DOCK3: variants seen among roughly 807,000 people sequenced by gnomAD.
DOCK3 encodes dedicator of cytokinesis 3.
Under a neutral mutation model 265.6 loss-of-function variants are expected in DOCK3, and 60 were observed. That is an observed-to-expected ratio of 0.23 (90% CI 0.18 to 0.28). The LOEUF (loss-of-function observed/expected upper bound fraction) is 0.28, where lower values mean the gene tolerates loss of function less well. Ranked by LOEUF, DOCK3 falls within the 10% of genes least tolerant of loss-of-function variation. DOCK3 has a pLI of 1.00. For missense variants in DOCK3, 1,981 were observed against 2,594.3 expected, an observed-to-expected ratio of 0.76 and a Z score of 5.14; for synonymous variants, 881 against 938.0, an observed-to-expected ratio of 0.94 and a Z score of 1.11.
intron 5 of DOCK3, among the ~76,000 whole-genome samples, chr3:50,940,638 T>C (rs894401013): frequency 4.6e-5 from 7 of 152,110 alleles, no homozygotes; most frequent in Non-Finnish European, 1.0e-4. Context: ...TTAAACAATT[T>C]TGAAAAGAAT....
intron 9 of DOCK3, among the ~76,000 whole-genome samples, chr3:51,114,960 A>G (rs544173180): frequency 4.6e-5 from 7 of 152,240 alleles, no homozygotes; most frequent in African/African-American, 1.7e-4. Context: ...ATCTTCATTC[A>G]TGTCCCTGCA....
chr3:51,353,756 C>T (rs1412983890), intron 40 of DOCK3, among the ~76,000 whole-genome samples: 1 of 152,222 alleles, frequency 6.6e-6, no homozygotes, highest in Non-Finnish European at 1.5e-5. Flanking sequence ...AACCCTGTCC[C>T]AGGAAGCATA....
chr3:50,795,106 G>A (rs2042698268), intron 2 of DOCK3, among the ~76,000 whole-genome samples: 1 of 151,982 alleles, frequency 6.6e-6, no homozygotes, highest in Admixed American at 6.6e-5. Flanking sequence ...TCCACTGTTA[G>A]TCTGATGGGT....
chr3:51,098,557 G>A (rs1321723456), intron 9 of DOCK3, among the ~76,000 whole-genome samples: 2 of 152,150 alleles, frequency 1.3e-5, no homozygotes. Context: ...TAAAATGATG[G>A]GCGAGCACTT....
intron 1 of DOCK3, among the ~76,000 whole-genome samples, chr3:50,697,243 G>A (rs1387693479): frequency 1.3e-5 from 2 of 152,000 alleles, no homozygotes; most frequent in Non-Finnish European, 2.9e-5. Flanking sequence ...AGCACTGAAT[G>A]CTAGTTTCAG....
rs373372574 is a variant in DOCK3, at chr3:51,211,308, C to G, written c.1126+2446C>G. Among the ~76,000 whole-genome samples the G allele has an allele frequency of 9.9e-5, 15 of 152,136 alleles. No homozygotes were observed. In the East Asian group the frequency reaches 1.2e-3, roughly 12 times the overall value. ...AAATGGTTTTCTTGTGTCAGGTAAT[C>G]AGTGAGACCAGATTAACAGAGAAAT... On this transcript the variant is annotated intron_variant, in intron 13 of 52. Transcript: ENST00000266037.
At chr3:50,710,339 A>T (rs1326832945) in intron 1 of DOCK3, among the ~76,000 whole-genome samples, 2 of 152,198 alleles carry the variant, frequency 1.3e-5, no homozygotes, top group African/African-American at 4.8e-5. Flanking sequence ...TAATCCCATC[A>T]AAAAGTGGGT....
intron 32 of DOCK3, among the ~76,000 whole-genome samples, chr3:51,316,594 T>C (rs374626632): frequency 3.3e-4 from 50 of 152,376 alleles, no homozygotes; most frequent in South Asian, 1.0e-3. Flanking sequence ...CAGTATATAA[T>C]CGATTGCTCC....
chr3:51,121,383 C>T (rs1047372233), intron 9 of DOCK3, among the ~76,000 whole-genome samples: 35 of 152,268 alleles, frequency 2.3e-4, no homozygotes, highest in Non-Finnish European at 4.3e-4. Context: ...GCAGAAATCA[C>T]CCCGCTTCTG....
intron 12 of DOCK3, among the ~76,000 whole-genome samples, chr3:51,203,827 A>G (rs2088980381): frequency 6.6e-6 from 1 of 152,230 alleles, no homozygotes; most frequent in Non-Finnish European, 1.5e-5. Context: ...ATATAGATCA[A>G]TGGAACAGAA....
intron 5 of DOCK3, among the ~76,000 whole-genome samples, chr3:50,988,882 G>A (rs980601225): frequency 2.0e-5 from 3 of 152,244 alleles, no homozygotes; most frequent in South Asian, 4.1e-4. Context: ...GCTATCAAGC[G>A]AGTGGCAACT....
intron 5 of DOCK3, among the ~76,000 whole-genome samples, chr3:51,058,001 T>A (rs1327138369): frequency 2.0e-5 from 3 of 152,228 alleles, no homozygotes. Flanking sequence ...CATTCTTTTC[T>A]GGATATAGTG....
intron 9 of DOCK3, among the ~76,000 whole-genome samples, chr3:51,123,548 C>T (rs957465691): frequency 2.0e-5 from 3 of 151,420 alleles, no homozygotes; most frequent in African/African-American, 7.3e-5. Flanking sequence ...AACAGAAAGA[C>T]ACAGACTTTG....
intron 4 of DOCK3, among the ~76,000 whole-genome samples, chr3:50,924,971 A>T (rs1267161639): frequency 1.3e-5 from 2 of 152,236 alleles, no homozygotes; most frequent in Non-Finnish European, 2.9e-5. Flanking sequence ...TCATCAGCCC[A>T]GAAGGAGGGA....
At chr3:50,721,131 T>G (rs2037454437) in intron 1 of DOCK3, among the ~76,000 whole-genome samples, 1 of 152,166 alleles carries the variant, frequency 6.6e-6, no homozygotes, top group Non-Finnish European at 1.5e-5. Context: ...TTTGCAGATA[T>G]TTTCTCTCAT....
rs1410039610 is a variant in DOCK3 at position 50,948,744 on chromosome 3, G to GTTGGGAT, written c.315+14669_315+14675dup. On this transcript the variant is annotated intron_variant, in intron 5 of 52. Transcript: ENST00000266037. ...ATGTCCTGACTTGGACTCCCAAAGTGTTGGGATTACAGGCATGAGCCACCA... is the reference window on the plus strand; with the variant it reads ...ATGTCCTGACTTGGACTCCCAAAGTGTTGGGATTTGGGATTACAGGCATGAGCCACCA... Among the ~76,000 whole-genome samples the GTTGGGAT allele has an allele frequency of 6.6e-5, 10 of 152,068 alleles. No individual in the cohort carries two copies. The South Asian group carries it at 1.9e-3, about 28-fold the overall frequency.
intron 5 of DOCK3, among the ~76,000 whole-genome samples, chr3:50,979,538 G>C (rs2077614106): frequency 6.6e-6 from 1 of 152,034 alleles, no homozygotes; most frequent in Non-Finnish European, 1.5e-5. Flanking sequence ...GCCATCTCTG[G>C]CTGTGTCACA....
chr3:50,788,349 A>T (rs1480909172), intron 2 of DOCK3: 7 of 252,142 alleles, frequency 2.8e-5, no homozygotes, highest in African/African-American at 4.5e-5. Flanking sequence ...AAACAAGGTA[A>T]TTATTAAGAC....
At chr3:50,747,700 C>A (rs1410805574) in intron 1 of DOCK3, among the ~76,000 whole-genome samples, 1 of 152,010 alleles carries the variant, frequency 6.6e-6, no homozygotes, top group South Asian at 2.1e-4. Flanking sequence ...CCCATCTCTA[C>A]TAAAAATACA....
Sources: gnomAD v4.1 joint callset for allele counts (sites outside exome capture counted in the v4.1 genomes callset) on GRCh38, gnomAD v4.1.1 for gene constraint, MANE v1.5 for transcripts, NCBI Gene and HGNC (gene_info 2026-07-23, HGNC 2026-07-21) for gene names.